The following GRM8 variants were observed in gnomAD, a reference collection of about 807,000 sequenced individuals.
GRM8 encodes the protein metabotropic glutamate receptor 8.
In GRM8, 47 loss-of-function variants were observed where a neutral mutation model predicts 87.2. The observed-to-expected ratio is 0.54, with a 90% CI of 0.43 to 0.69. The LOEUF is 0.69. Among genes scored for constraint, GRM8 ranks in the 30% least tolerant of loss-of-function variants. The probability of loss-of-function intolerance (pLI) is 0.00; values close to 1 mark genes in which losing one functional copy is unlikely to be tolerated. For synonymous variants in GRM8, 396 were observed against 404.5 expected (o/e 0.98, Z 0.25); for missense variants, 1,019 against 1,139.2 (o/e 0.89, Z 1.52).
At chr7:126,557,844 A>G (rs1167154191) in intron 8 of GRM8, among the ~76,000 whole-genome samples, 1 of 152,146 alleles carries the variant, frequency 6.6e-6, no homozygotes, top group African/African-American at 2.4e-5. Context: ...TATACACTAT[A>G]TATATGTGCT....
intron 8 of GRM8, among the ~76,000 whole-genome samples, chr7:126,534,348 C>G (rs894377457): frequency 1.3e-5 from 2 of 152,186 alleles, no homozygotes; most frequent in African/African-American, 2.4e-5. Flanking sequence ...TCAAATCACA[C>G]TGCATCAATT....
At chr7:126,572,609 A>G (rs1794778776) in intron 8 of GRM8, among the ~76,000 whole-genome samples, 1 of 152,232 alleles carries the variant, frequency 6.6e-6, no homozygotes, top group Non-Finnish European at 1.5e-5. Flanking sequence ...TATCAATTGA[A>G]ATGTAAGCCA....
intron 7 of GRM8, among the ~76,000 whole-genome samples, chr7:126,632,512 C>A (rs961163505): frequency 1.3e-5 from 2 of 152,120 alleles, no homozygotes; most frequent in Non-Finnish European, 2.9e-5. Context: ...TACCATTTGA[C>A]CCAGCAATCC....
At chr7:126,593,670 T>A (rs1796898901) in intron 8 of GRM8, among the ~76,000 whole-genome samples, 1 of 151,930 alleles carries the variant, frequency 6.6e-6, no homozygotes, top group South Asian at 2.1e-4. Context: ...GGTGAAAATC[T>A]CCATGACATA....
chr7:127,005,560 A>T (rs1291046116), intron 3 of GRM8, among the ~76,000 whole-genome samples: 1 of 151,556 alleles, frequency 6.6e-6, no homozygotes, highest in Non-Finnish European at 1.5e-5. Flanking sequence ...GATCTGAGTG[A>T]CTCTGCCAAG....
chr7:126,965,298 T>A (rs1005138173), intron 3 of GRM8, among the ~76,000 whole-genome samples: 6 of 152,012 alleles, frequency 3.9e-5, no homozygotes, highest in Non-Finnish European at 7.4e-5. Flanking sequence ...ACCCCAGAAC[T>A]TAAATTTTAA....
intron 9 of GRM8, among the ~76,000 whole-genome samples, chr7:126,454,099 TAAATA>T (rs1228602001): frequency 4.6e-5 from 7 of 151,678 alleles, no homozygotes; most frequent in African/African-American, 1.7e-4. Flanking sequence ...AGAGAACAAA[TAAATA>T]AAAGTATAAA....
chr7:126,929,814 A>C (rs11762159), intron 3 of GRM8, among the ~76,000 whole-genome samples: 3,066 of 137,968 alleles, frequency 0.022, 90 homozygotes, highest in South Asian at 0.032. Flanking sequence ...GAGTACAGAG[A>C]AGAATTCTGT....
At chr7:127,133,933 A>C (rs1317542778) in intron 2 of GRM8, among the ~76,000 whole-genome samples, 1 of 152,100 alleles carries the variant, frequency 6.6e-6, no homozygotes, top group African/African-American at 2.4e-5. Flanking sequence ...AGACAGATGC[A>C]CTCATTAAGC....
In GRM8 at chr7:126,601,200, C is replaced by T. The variant is rs189006335; in HGVS notation, c.1494+8162G>A. On this transcript the variant is annotated intron_variant, in intron 8 of 10. Transcript: ENST00000339582. ...TGCGGTGTTTGGTTTTTTGTACTTG[C>T]GATAGTTTACTGAGAATGATGATTT... Among the ~76,000 whole-genome samples, 12 of 151,272 alleles carry T rather than the reference C, an allele frequency of 7.9e-5. No homozygotes were observed. The East Asian group carries it at 1.2e-3, about 15-fold the overall frequency.
chr7:126,683,013 C>G (rs10258741), intron 7 of GRM8, among the ~76,000 whole-genome samples: 2,939 of 152,164 alleles, frequency 0.019, 97 homozygotes, highest in African/African-American at 0.067. Context: ...CGTGCCACTG[C>G]ACTCCAGCCT....
intron 7 of GRM8, among the ~76,000 whole-genome samples, chr7:126,662,038 C>T (rs1805236677): frequency 6.6e-6 from 1 of 152,056 alleles, no homozygotes; most frequent in Non-Finnish European, 1.5e-5. Flanking sequence ...CTACTTTGCT[C>T]AGTTTTAATT....
chr7:126,878,448 G>T (rs1799717745), intron 6 of GRM8, among the ~76,000 whole-genome samples: 1 of 151,758 alleles, frequency 6.6e-6, no homozygotes, highest in Admixed American at 6.6e-5. Context: ...AACCTTCTGT[G>T]AGTTTAAAAC....
intron 3 of GRM8, among the ~76,000 whole-genome samples, chr7:127,086,963 G>A (rs1823572074): frequency 6.6e-6 from 1 of 152,194 alleles, no homozygotes; most frequent in Admixed American, 6.5e-5. Flanking sequence ...GGGAGGGCTC[G>A]ATGCCAAAAG....
intron 6 of GRM8, among the ~76,000 whole-genome samples, chr7:126,810,954 T>C (rs1415689812): frequency 1.3e-5 from 2 of 152,100 alleles, no homozygotes; most frequent in Non-Finnish European, 2.9e-5. Flanking sequence ...ATAGAAAATA[T>C]TCAGGAGAGT....
intron 3 of GRM8, among the ~76,000 whole-genome samples, chr7:126,934,348 C>G (rs1177955501): frequency 6.6e-6 from 1 of 152,074 alleles, no homozygotes; most frequent in Admixed American, 6.6e-5. Flanking sequence ...ATGCTTATGA[C>G]TTTTTAAAAT....
chr7:126,948,002 C>T (rs570519163), intron 3 of GRM8, among the ~76,000 whole-genome samples: 50 of 152,250 alleles, frequency 3.3e-4, no homozygotes, highest in Non-Finnish European at 2.2e-4. Context: ...GTAAGTTCTA[C>T]TTTTAAGGTT....
At chr7:126,672,802 T>C (rs143234734) in intron 7 of GRM8, among the ~76,000 whole-genome samples, 3 of 152,254 alleles carry the variant, frequency 2.0e-5, no homozygotes, top group Non-Finnish European at 4.4e-5. Flanking sequence ...CTGTTCTTAC[T>C]TTCAAGCATC....
intron 7 of GRM8, among the ~76,000 whole-genome samples, chr7:126,665,594 C>G (rs534258240): frequency 1.3e-5 from 2 of 151,990 alleles, no homozygotes; most frequent in South Asian, 4.2e-4. Context: ...ACACTGGGGA[C>G]TACTAGAAGA....
Sources: gnomAD v4.1 joint callset for allele counts (sites outside exome capture counted in the v4.1 genomes callset) on GRCh38, gnomAD v4.1.1 for gene constraint, MANE v1.5 for transcripts, NCBI Gene and HGNC (gene_info 2026-07-23, HGNC 2026-07-21) for gene names.